Variants in UVRAG observed in about 807,000 individuals in gnomAD.
The protein encoded by UVRAG is UV radiation resistance-associated gene protein.
Under a neutral mutation model 78.0 loss-of-function variants are expected in UVRAG, and 19 were observed. That is an observed-to-expected ratio of 0.24 (90% CI 0.17 to 0.36). The LOEUF (loss-of-function observed/expected upper bound fraction) is 0.36, where lower values mean the gene tolerates loss of function less well. Among genes scored for constraint, UVRAG ranks in the 10% least tolerant of loss-of-function variants. The pLI, the probability that UVRAG is intolerant of heterozygous loss-of-function variation, is 1.00. For synonymous variants in UVRAG, 323 were observed against 324.6 expected (o/e 1.00, Z 0.05); for missense variants, 740 against 853.8 (o/e 0.87, Z 1.66).
chr11:76,136,331 G>T (rs980137389), intron 14 of UVRAG, among the ~76,000 whole-genome samples: 2 of 151,658 alleles, frequency 1.3e-5, no homozygotes, highest in Admixed American at 1.3e-4. Context: ...AATAGCAAAG[G>T]TTCAGAAACA....
At chr11:75,992,741 G>A (rs930091060) in intron 8 of UVRAG, among the ~76,000 whole-genome samples, 9 of 152,154 alleles carry the variant, frequency 5.9e-5, no homozygotes, top group African/African-American at 2.2e-4. Context: ...ACTATTATAT[G>A]CTTGTGTTGA....
chr11:76,109,049 A>G (rs538885813), intron 13 of UVRAG, among the ~76,000 whole-genome samples: 3 of 152,102 alleles, frequency 2.0e-5, no homozygotes, highest in African/African-American at 7.3e-5. Flanking sequence ...GCGGTGCAGT[A>G]GGAAGTTGTT....
chr11:76,010,969 C>G (rs919362113), intron 11 of UVRAG, among the ~76,000 whole-genome samples: 2 of 152,144 alleles, frequency 1.3e-5, no homozygotes, highest in Admixed American at 6.5e-5. Context: ...AAAAGTCACT[C>G]TGGCTGCTAA....
chr11:76,081,508 C>T (rs1951493565), intron 13 of UVRAG, among the ~76,000 whole-genome samples: 1 of 152,028 alleles, frequency 6.6e-6, no homozygotes, highest in Non-Finnish European at 1.5e-5. Context: ...CCGCACCTGG[C>T]CAAGTTAGTC....
chr11:76,037,625 T>G (rs1950560369), intron 12 of UVRAG, among the ~76,000 whole-genome samples: 1 of 150,014 alleles, frequency 6.7e-6, no homozygotes, highest in Non-Finnish European at 1.5e-5. Context: ...GGTGGGAGAA[T>G]CACTTGAGCC....
intron 5 of UVRAG, among the ~76,000 whole-genome samples, chr11:75,899,391 C>T (rs1947434478): frequency 6.6e-6 from 1 of 152,092 alleles, no homozygotes; most frequent in Admixed American, 6.5e-5. Flanking sequence ...TTTTCATTTA[C>T]TGAGTGCCTG....
chr11:75,983,765 C>A, intron 8 of UVRAG: 1 of 338,278 alleles, frequency 3.0e-6, no homozygotes, highest in Non-Finnish European at 5.3e-6. Context: ...ACTTGTACAG[C>A]ATGTTACCAT....
At chr11:75,933,864 G>C (rs1000871956) in intron 6 of UVRAG, among the ~76,000 whole-genome samples, 1 of 152,160 alleles carries the variant, frequency 6.6e-6, no homozygotes, top group Non-Finnish European at 1.5e-5. Flanking sequence ...ATACTGGTGA[G>C]GAGGTGGAGA....
At chr11:75,878,387 A>C (rs1427627243) in intron 3 of UVRAG, 1 of 151,240 alleles carries the variant, frequency 6.6e-6, no homozygotes, top group Admixed American at 6.9e-5. Context: ...CTGGGCAGCC[A>C]GGCAGAGGGG....
intron 12 of UVRAG, among the ~76,000 whole-genome samples, chr11:76,021,124 T>C (rs1326655394): frequency 6.6e-6 from 1 of 152,194 alleles, no homozygotes; most frequent in Admixed American, 6.6e-5. Flanking sequence ...AATTCAAGTC[T>C]GTCTTTCCTA....
At chr11:75,834,628 C>T (rs1199453214) in intron 1 of UVRAG, among the ~76,000 whole-genome samples, 1 of 152,098 alleles carries the variant, frequency 6.6e-6, no homozygotes. Flanking sequence ...TCCTGGCTAA[C>T]ATGGTGAAAC....
intron 12 of UVRAG, among the ~76,000 whole-genome samples, chr11:76,063,819 AT>A (rs1229080753): frequency 1.3e-5 from 2 of 152,268 alleles, no homozygotes; most frequent in South Asian, 4.1e-4. Context: ...CCAATATAAG[AT>A]TTGTATCTTA....
intron 3 of UVRAG, among the ~76,000 whole-genome samples, chr11:75,867,917 A>G (rs1027650773): frequency 2.0e-5 from 3 of 152,336 alleles, no homozygotes; most frequent in Admixed American, 6.5e-5. Flanking sequence ...AATATCAAAC[A>G]CGGCTACTTT....
At chr11:76,011,307 C>G (rs970607912) in intron 11 of UVRAG, among the ~76,000 whole-genome samples, 2 of 152,206 alleles carry the variant, frequency 1.3e-5, no homozygotes, top group African/African-American at 4.8e-5. Context: ...TTAAGAAGCA[C>G]ATGCAGTAAT....
chr11:75,868,702 A>G (rs1029128635), intron 3 of UVRAG, among the ~76,000 whole-genome samples: 1 of 152,230 alleles, frequency 6.6e-6, no homozygotes, highest in Non-Finnish European at 1.5e-5. Flanking sequence ...AAGTAAAATT[A>G]TTGAAGCAAT....
chr11:76,002,800 G>A (rs1949841706), intron 8 of UVRAG, among the ~76,000 whole-genome samples: 2 of 152,182 alleles, frequency 1.3e-5, no homozygotes, highest in Non-Finnish European at 2.9e-5. Flanking sequence ...GGAAGGCCGG[G>A]CACTGTAGCT....
At chr11:75,833,333 A>G (rs1454036611) in intron 1 of UVRAG, among the ~76,000 whole-genome samples, 3 of 152,162 alleles carry the variant, frequency 2.0e-5, no homozygotes, top group South Asian at 2.1e-4. Flanking sequence ...TGGGCATAAT[A>G]ATAGCCCATT....
intron 3 of UVRAG, among the ~76,000 whole-genome samples, chr11:75,866,607 C>A (rs998741287): frequency 7.3e-5 from 11 of 151,558 alleles, no homozygotes; most frequent in Admixed American, 7.2e-4. Context: ...TTTTTTAATA[C>A]CACTAGTCTC....
chr11:75,823,370 T>C (rs753128158), intron 1 of UVRAG, among the ~76,000 whole-genome samples: 14 of 152,180 alleles, frequency 9.2e-5, no homozygotes, highest in Non-Finnish European at 1.9e-4. Context: ...ACATAAATTA[T>C]TTGGAATTTT....
Sources: gnomAD v4.1 joint callset for allele counts (sites outside exome capture counted in the v4.1 genomes callset) on GRCh38, gnomAD v4.1.1 for gene constraint, MANE v1.5 for transcripts, NCBI Gene and HGNC (gene_info 2026-07-23, HGNC 2026-07-21) for gene names.